The following STYXL1 variants were observed in gnomAD, a reference collection of about 807,000 sequenced individuals.
STYXL1 encodes the protein serine/threonine/tyrosine-interacting-like protein 1.
Under a neutral mutation model 36.4 loss-of-function variants are expected in STYXL1, and 32 were observed. The observed-to-expected ratio is 0.88, with a 90% CI of 0.66 to 1.18. STYXL1 has a LOEUF of 1.18. Among genes scored for constraint, STYXL1 ranks in the 50% most tolerant of loss-of-function variants. The pLI, the probability that STYXL1 is intolerant of heterozygous loss-of-function variation, is 0.00. For synonymous variants in STYXL1, 133 were observed against 144.1 expected (o/e 0.92, Z 0.55); for missense variants, 354 against 394.1 (o/e 0.90, Z 0.86).
Position 76,029,438 on chromosome 7 carries a change from C to T in STYXL1, c.104-735G>A, listed in dbSNP as rs141748731. Among the ~76,000 whole-genome samples the T allele has an allele frequency of 9.3e-4, 142 of 152,292 alleles. 2 individuals carry two copies. In the East Asian group the frequency reaches 0.024, roughly 26 times the overall value. Reference sequence around the variant, plus strand: ...CTGGGATTACAGGCACAAGCCACCACACCTGGCCTCTTAACAGCTTTCTAA... The same window carrying T: ...CTGGGATTACAGGCACAAGCCACCATACCTGGCCTCTTAACAGCTTTCTAA... On this transcript the variant is annotated intron_variant, in intron 2 of 8. Transcript: ENST00000359697.
In STYXL1 at chr7:76,000,874, C is replaced by G. The variant is rs1554566871; in HGVS notation, c.810+16G>C. On this transcript the variant is annotated intron_variant, in intron 8 of 8. Coordinates refer to ENST00000359697, the MANE Select transcript of STYXL1 (RefSeq NM_001317785.2). ...GGGGGTGGCCGTGGTGCGAGCCTGG[C>G]CCGGGGAACGCATACCTGCAAGGTC... 6.2e-7 allele frequency: 1 copy of G among 1,611,552 alleles called. No individual in the cohort carries two copies. Among genetic ancestry groups the G allele is most frequent in the Admixed American group, 1.7e-5 (1 of 60,014 alleles).
chr7:76,000,674 C>G (rs1013492363), intron 8 of STYXL1, among the ~76,000 whole-genome samples: 9 of 152,234 alleles, frequency 5.9e-5, no homozygotes, highest in African/African-American at 2.2e-4. Context: ...TGGCCTGAGT[C>G]CCTGGGCCAG....
intron 1 of STYXL1, among the ~76,000 whole-genome samples, chr7:76,039,912 G>A (rs1204408653): frequency 6.6e-6 from 1 of 152,156 alleles, no homozygotes; most frequent in Non-Finnish European, 1.5e-5. Flanking sequence ...TTCCCAAAGT[G>A]CTGGGATAAC....
chr7:76,008,582 C>G (rs922103469), intron 5 of STYXL1, among the ~76,000 whole-genome samples: 1 of 152,180 alleles, frequency 6.6e-6, no homozygotes, highest in Non-Finnish European at 1.5e-5. Flanking sequence ...GCCTGTGACA[C>G]GGAGATGCAT....
At chr7:76,019,170 C>T (rs1309034312) in intron 4 of STYXL1, among the ~76,000 whole-genome samples, 2 of 152,056 alleles carry the variant, frequency 1.3e-5, no homozygotes, top group Non-Finnish European at 2.9e-5. Flanking sequence ...CATCCTTAAA[C>T]CAAGATATCC....
chr7:76,030,246 A>G (rs1310416989), intron 2 of STYXL1, among the ~76,000 whole-genome samples, 175 bp downstream of exon 2: 1 of 152,066 alleles, frequency 6.6e-6, no homozygotes. Flanking sequence ...TGATTCGCCC[A>G]CCTTGGCCTT....
At chr7:76,020,054 C>CTTTTGTGGTTGTGGTTGCCTTG (rs1793874961) in intron 4 of STYXL1, among the ~76,000 whole-genome samples, 1 of 151,918 alleles carries the variant, frequency 6.6e-6, no homozygotes. Context: ...CTTGAATGCA[C>CTTTTGTGGTTGTGGTTGCCTTG]AAGTTGTGTG....
intron 4 of STYXL1, among the ~76,000 whole-genome samples, chr7:76,014,736 C>T (rs1167053022): frequency 1.3e-5 from 2 of 151,882 alleles, no homozygotes; most frequent in Non-Finnish European, 2.9e-5. Context: ...ACTGCCAGCT[C>T]GTTAACCACT....
intron 1 of STYXL1, among the ~76,000 whole-genome samples, chr7:76,042,445 C>A (rs1796571963): frequency 8.9e-6 from 1 of 112,218 alleles, no homozygotes; most frequent in African/African-American, 3.1e-5. Context: ...CATTCTGTCA[C>A]CCAGGCTGGA....
intron 5 of STYXL1, among the ~76,000 whole-genome samples, chr7:76,008,365 G>T (rs1325750570): frequency 6.6e-6 from 1 of 151,988 alleles, no homozygotes; most frequent in African/African-American, 2.4e-5. Flanking sequence ...ATCAAAATCA[G>T]TTCCAAAAGT....
At chr7:76,013,307 C>G (rs1381231832) in intron 5 of STYXL1, among the ~76,000 whole-genome samples, 1 of 132,370 alleles carries the variant, frequency 7.6e-6, no homozygotes, top group Admixed American at 8.6e-5. Flanking sequence ...GCCTGGGCGA[C>G]AGAGCGAGAC....
intron 4 of STYXL1, among the ~76,000 whole-genome samples, chr7:76,018,637 C>G (rs982912857): frequency 4.6e-5 from 7 of 152,288 alleles, no homozygotes; most frequent in Middle Eastern, 3.4e-3. Flanking sequence ...GTGATCCTCC[C>G]GCCTTGGCCT....
chr7:76,038,557 C>A (rs1001100493), intron 1 of STYXL1, among the ~76,000 whole-genome samples: 1 of 151,698 alleles, frequency 6.6e-6, no homozygotes, highest in Non-Finnish European at 1.5e-5. Flanking sequence ...TCCTGAGTAG[C>A]TGGGACTACA....
chr7:75,997,823 C>G (rs1210308738), intron 8 of STYXL1, among the ~76,000 whole-genome samples: 2 of 151,926 alleles, frequency 1.3e-5, no homozygotes, highest in Non-Finnish European at 2.9e-5. Context: ...CTAAACAATT[C>G]AAAAAGGAAA....
chr7:76,019,595 T>C (rs906175364), intron 4 of STYXL1, among the ~76,000 whole-genome samples: 5 of 151,998 alleles, frequency 3.3e-5, no homozygotes, highest in Admixed American at 2.6e-4. Flanking sequence ...TGAGGCACCG[T>C]GCCTGGCTAA....
Position 76,013,841 on chromosome 7 carries a change from G to A in STYXL1, c.354C>T (p.Arg118=), listed in dbSNP as rs782708721. The A allele has an allele frequency of 1.2e-6, 2 of 1,614,034 alleles. No homozygotes were observed. The highest frequency in any genetic ancestry group is 1.1e-5 in the South Asian group (1 of 91,082). Residue 118 remains arginine (R), a synonymous_variant, in exon 5 of 9, where the codon CGC becomes CGT. Coordinates refer to ENST00000359697, the MANE Select transcript of STYXL1 (RefSeq NM_001317785.2). The part of the protein sequence containing the change: ...AAIEYGRILT[R]LTHHPVYILK... ...GGATGTAGACGGGGTGGTGGGTGAG[G>A]CGGGTCAGGATCCTGCCATACTCAA...
At chr7:76,002,827 G>A (rs1291856732) in intron 7 of STYXL1, among the ~76,000 whole-genome samples, 3 of 152,174 alleles carry the variant, frequency 2.0e-5, no homozygotes, top group African/African-American at 7.2e-5. Flanking sequence ...GGGAGGCTGA[G>A]GTAGGAGGAT....
chr7:76,033,214 T>C (rs1207303984), intron 1 of STYXL1, among the ~76,000 whole-genome samples: 1 of 152,176 alleles, frequency 6.6e-6, no homozygotes, highest in South Asian at 2.1e-4. Flanking sequence ...GGTGTGATCA[T>C]GGCTGACTGC....
At chr7:76,005,120 A>T (rs1229856407) in intron 6 of STYXL1, 139 bp downstream of exon 6, 2 of 396,220 alleles carry the variant, frequency 5.0e-6, no homozygotes, top group Non-Finnish European at 3.7e-6. Context: ...ATACATATGT[A>T]ACAAACCTGC....
Sources: gnomAD v4.1 joint callset for allele counts (sites outside exome capture counted in the v4.1 genomes callset) on GRCh38, gnomAD v4.1.1 for gene constraint, MANE v1.5 for transcripts, NCBI Gene and HGNC (gene_info 2026-07-23, HGNC 2026-07-21) for gene names.